Variants in RPS6KA2 observed in about 807,000 individuals in gnomAD.
RPS6KA2 encodes ribosomal protein S6 kinase alpha-2.
In RPS6KA2, 42 loss-of-function variants were observed where a neutral mutation model predicts 91.8. That is an observed-to-expected ratio of 0.46 (90% confidence interval 0.36 to 0.59). The LOEUF (loss-of-function observed/expected upper bound fraction) is 0.59, where lower values mean the gene tolerates loss of function less well. Among genes scored for constraint, RPS6KA2 ranks in the 20% least tolerant of loss-of-function variants. RPS6KA2 has a pLI of 0.00. For missense variants in RPS6KA2, 798 were observed against 978.5 expected (o/e 0.82, Z 2.46); for synonymous variants, 414 against 393.6 (o/e 1.05, Z -0.61).
At chr6:166,773,762 C>T (rs1337979976) in intron 2 of RPS6KA2, among the ~76,000 whole-genome samples, 2 of 152,142 alleles carry the variant, frequency 1.3e-5, no homozygotes, top group Non-Finnish European at 2.9e-5. Context: ...ACCACATTAT[C>T]GTCAAAATAC....
chr6:166,807,847 AC>A lies in RPS6KA2; in HGVS notation c.123+50352del, dbSNP rs536134543. Among the ~76,000 whole-genome samples, 22 of 151,212 alleles carry A rather than the reference AC, an allele frequency of 1.5e-4. No homozygotes were observed. The East Asian group carries it at 3.7e-3, about 25-fold the overall frequency. On this transcript the variant is annotated intron_variant, in intron 2 of 21. Transcript: ENST00000503859. ...ACCTGTTTAAAATGACAGCTGCTCC[AC>A]CCCCAGCTTCCCAGTCCCCCTTATC...
At chr6:166,786,012 A>G (rs897979486) in intron 2 of RPS6KA2, among the ~76,000 whole-genome samples, 1 of 152,250 alleles carries the variant, frequency 6.6e-6, no homozygotes, top group African/African-American at 2.4e-5. Flanking sequence ...GGGTTCTGAC[A>G]AATGTGACCA....
chr6:166,702,131 C>G, intron 2 of RPS6KA2: 2 of 1,552,186 alleles, frequency 1.3e-6, no homozygotes, highest in South Asian at 1.1e-5. Flanking sequence ...ATTTTCTTTA[C>G]GGTGGACATC....
intron 19 of RPS6KA2, 53 bp from the exon 20 acceptor site, chr6:166,413,984 G>A: frequency 1.3e-6 from 2 of 1,568,220 alleles, no homozygotes; most frequent in Non-Finnish European, 1.7e-6. Flanking sequence ...TTTGTGCTGG[G>A]TCAGAGAGCC....
intron 14 of RPS6KA2, among the ~76,000 whole-genome samples, chr6:166,439,010 G>A (rs1779432252): frequency 6.6e-6 from 1 of 152,168 alleles, no homozygotes; most frequent in Non-Finnish European, 1.5e-5. Context: ...GGCACGAAGT[G>A]CTCTGTTGAA....
intron 2 of RPS6KA2, among the ~76,000 whole-genome samples, chr6:166,636,061 G>A (rs769065222): frequency 1.2e-4 from 19 of 152,090 alleles, no homozygotes; most frequent in East Asian, 1.9e-4. Flanking sequence ...CAAACTCCTC[G>A]TTCTGCCTAC....
chr6:166,508,382 AG>A lies in RPS6KA2; in HGVS notation c.380-101del. On this transcript the variant is annotated intron_variant, in intron 4 of 20. Coordinates refer to ENST00000265678, the MANE Select transcript of RPS6KA2 (RefSeq NM_021135.6). The surrounding 1 kb of genome is among the most constrained non-coding windows in gnomAD (Gnocchi z 4.3). ...TGCTCACGGTGCTGCTTACTCCGGG[AG>A]GCTGAGTCACTTGAGAAACGGCAGG... 1 of 775,522 alleles carries A rather than the reference AG, an allele frequency of 1.3e-6. No individual in the cohort carries two copies. Among genetic ancestry groups the A allele is most frequent in the South Asian group, 1.6e-5 (1 of 61,452 alleles). 48.0% of individuals were successfully genotyped at this position (775,522 alleles called of 1,614,324 possible).
At chr6:166,808,387 C>A (rs1779545174) in intron 2 of RPS6KA2, among the ~76,000 whole-genome samples, 1 of 152,212 alleles carries the variant, frequency 6.6e-6, no homozygotes, top group Non-Finnish European at 1.5e-5. Context: ...GGTTTCTACT[C>A]CTCAGTGAGT....
At position 166,626,188 on chromosome 6, in the gene RPS6KA2, AT is replaced by A. The variant is rs1393872978; in HGVS notation, c.99+732del. On this transcript the variant is annotated intron_variant, in intron 1 of 20. Coordinates refer to ENST00000265678, the MANE Select transcript of RPS6KA2 (RefSeq NM_021135.6). This position sits in a 1 kb window ranked among gnomAD's most constrained non-coding sequence, Gnocchi z 4.1. ...TGGACACTGGGAATAAGAGAATAAG[AT>A]TTGATGGTTGAAATAAAACACACCA... Among the ~76,000 whole-genome samples, 2 of 152,252 alleles carry A rather than the reference AT, an allele frequency of 1.3e-5. No individual in the cohort carries two copies. The highest frequency in any genetic ancestry group is 2.9e-5 in the Non-Finnish European group (2 of 68,048).
intron 2 of RPS6KA2, among the ~76,000 whole-genome samples, chr6:166,756,755 A>C (rs1018878976): frequency 1.5e-4 from 23 of 152,194 alleles, no homozygotes; most frequent in Admixed American, 1.5e-3. Context: ...CTGAGGCAGG[A>C]GAACTGCTTG....
At chr6:166,799,031 T>C (rs1321365605) in intron 2 of RPS6KA2, among the ~76,000 whole-genome samples, 2 of 152,256 alleles carry the variant, frequency 1.3e-5, no homozygotes, top group East Asian at 3.8e-4. Flanking sequence ...AACAATCTTG[T>C]ATAACAAGCA....
intron 1 of RPS6KA2, among the ~76,000 whole-genome samples, chr6:166,579,316 G>A (rs1033946510): frequency 4.6e-5 from 7 of 152,114 alleles, no homozygotes; most frequent in South Asian, 2.1e-4. Context: ...CAACAGGTGC[G>A]ACCTGCATTC....
chr6:166,577,206 C>T (rs13191936), intron 1 of RPS6KA2, among the ~76,000 whole-genome samples: 1 of 152,248 alleles, frequency 6.6e-6, no homozygotes, highest in Non-Finnish European at 1.5e-5. Flanking sequence ...CATGGAGAAC[C>T]TCTGCCAGGG....
chr6:166,667,052 A>C (rs1197331641), intron 2 of RPS6KA2, among the ~76,000 whole-genome samples: 2 of 152,236 alleles, frequency 1.3e-5, no homozygotes, highest in African/African-American at 4.8e-5. Flanking sequence ...TACTCAAATC[A>C]TAGAGACAGA....
chr6:166,805,283 A>G (rs1040363380), intron 2 of RPS6KA2, among the ~76,000 whole-genome samples: 2 of 152,190 alleles, frequency 1.3e-5, no homozygotes, highest in African/African-American at 2.4e-5. Flanking sequence ...CCGTCCTCCA[A>G]TGACAAGGGA....
Position 166,451,332 on chromosome 6 carries a change from CGTGT to C in RPS6KA2, c.1076-103_1076-100del, listed in dbSNP as rs10663984. The stretch of plus-strand genomic sequence containing the variant: ...TGCATGTGGTATGTGTGTGCAAGTC[CGTGT>C]GTGTGTGTGTGTGTGTGTGTGTGCA... On this transcript the variant is annotated intron_variant, in intron 12 of 20. Coordinates refer to ENST00000265678, the MANE Select transcript of RPS6KA2 (RefSeq NM_021135.6). 5.2e-3 allele frequency: 4,714 copies of C among 914,664 alleles called. 7 individuals carry two copies. The highest frequency in any genetic ancestry group is 0.014 in the African/African-American group (812 of 57,420). The allele number at this position is 914,664 out of a possible 1,614,324, so 56.7% of individuals were successfully genotyped here. A position where few individuals can be genotyped will look rare whatever the true frequency, so the allele number is the denominator to read the frequency against.
At chr6:166,629,711 G>A (rs1463298698), upstream of RPS6KA2, among the ~76,000 whole-genome samples, 2 of 152,192 alleles carry the variant, frequency 1.3e-5, no homozygotes. Context: ...GAATGGGAGA[G>A]GACTGAAGAG....
chr6:166,598,824 C>T (rs1785630943), intron 1 of RPS6KA2, among the ~76,000 whole-genome samples: 1 of 152,222 alleles, frequency 6.6e-6, no homozygotes, highest in African/African-American at 2.4e-5. Context: ...TTTCCTACCT[C>T]CCTTCTTTCC....
At chr6:166,565,725 T>C (rs1051259129) in intron 1 of RPS6KA2, among the ~76,000 whole-genome samples, 1 of 152,168 alleles carries the variant, frequency 6.6e-6, no homozygotes, top group South Asian at 2.1e-4. Flanking sequence ...GGACAGAGCC[T>C]GGACCTGGGG....
Sources: gnomAD v4.1 joint callset for allele counts (sites outside exome capture counted in the v4.1 genomes callset) on GRCh38, gnomAD v4.1.1 for gene constraint, Gnocchi (gnomAD v3.1) non-coding constraint, MANE v1.5 for transcripts, NCBI Gene and HGNC (gene_info 2026-07-23, HGNC 2026-07-21) for gene names.